The following RYR1 variants were observed in gnomAD, a reference collection of about 807,000 sequenced individuals.
RYR1 encodes central core disease of muscle.
Under a neutral mutation model 583.5 loss-of-function variants are expected in RYR1, and 342 were observed. The ratio of observed to expected loss-of-function variants is 0.59; its 90% confidence interval spans 0.54 to 0.64. The LOEUF (loss-of-function observed/expected upper bound fraction) is 0.64. Ranked by LOEUF, RYR1 falls within the 30% of genes least tolerant of loss-of-function variation. The probability of loss-of-function intolerance (pLI) is 0.00; values close to 1 mark genes in which losing one functional copy is unlikely to be tolerated. For synonymous variants in RYR1, 2,791 were observed against 2,822.5 expected (o/e 0.99, Z 0.35); for missense variants, 6,032 against 6,917.2 (o/e 0.87, Z 4.54).
At chr19:38,498,766 G>T (rs368310886) in intron 42 of RYR1, among the ~76,000 whole-genome samples, 22 of 152,280 alleles carry the variant, frequency 1.4e-4, no homozygotes, top group South Asian at 8.3e-4. Context: ...GGTCACTCTC[G>T]TTGCCATCTT....
rs1423316066 is a variant in RYR1, at chr19:38,565,168, C to T, written c.12834C>T (p.Gly4278=). 2.2e-6 allele frequency: 3 copies of T among 1,389,146 alleles called. No individual in the cohort carries two copies. The highest frequency in any genetic ancestry group is 1.5e-5 in the African/African-American group (1 of 65,830). The allele number at this position is 1,389,146 out of a possible 1,614,324, so 86.1% of individuals were successfully genotyped here. Residue 4278 remains glycine (G), a synonymous_variant, in exon 91 of 106, where the codon GGC becomes GGT. Transcript: ENST00000359596. The surrounding 1 kb of genome is among the most constrained non-coding windows in gnomAD (Gnocchi z 4.7). ...AEAGAEGAEE[G]AAGLEGTAAT... is the part of the protein sequence containing the mutation. ...CGGGCGCGGAAGGCGCGGAGGAGGG[C>T]GCGGCGGGGCTCGAGGGCACGGCGG... is the stretch of plus-strand genomic sequence containing the variant.
rs1392565021 is a variant in RYR1, at chr19:38,485,882, G to A, written c.5227G>A (p.Ala1743Thr). Residue 1743 changes from alanine to threonine, a missense_variant, in exon 34 of 106, where the codon GCC (alanine) becomes ACC (threonine). By Grantham distance (58) the Ala-to-Thr change is moderately conservative. Coordinates refer to ENST00000359596, the MANE Select transcript of RYR1 (RefSeq NM_000540.3). ...CGTGCCCCTCACGCCTGAGACCCGC[G>A]CCATCACGCTCTTCCCTCCTGGAAG... is the stretch of plus-strand genomic sequence containing the variant. ...YIVPLTPETRAITLFPPGRST... is the reference protein window; with the variant it reads ...YIVPLTPETRTITLFPPGRST... The A allele has an allele frequency of 3.1e-6, 5 of 1,613,512 alleles. No homozygotes were observed. The Admixed American group carries it at 5.0e-5, about 16-fold the overall frequency.
rs116890479 is a variant in RYR1, at chr19:38,441,517, C to T, written c.165+653C>T. On this transcript the variant is annotated intron_variant, in intron 2 of 105. Transcript: ENST00000359596. ...GGAAGGTGATCCCCAAGTCCGAGCT[C>T]GGGAATTCTGAGGGTGGGGGCAGCT... Among the ~76,000 whole-genome samples the T allele has an allele frequency of 5.6e-3, 749 of 133,912 alleles. 14 individuals carry two copies. The East Asian group carries it at 0.06, about 11-fold the overall frequency. The allele number at this position is 133,912 out of a possible 152,430, so 87.9% of individuals were successfully genotyped here. A position where few individuals can be genotyped will look rare whatever the true frequency, so the allele number is the denominator to read the frequency against.
chr19:38,549,698 CTTTTTTTTTTTTT>C (rs71165559), intron 89 of RYR1, among the ~76,000 whole-genome samples: 4 of 52,410 alleles, frequency 7.6e-5, no homozygotes, highest in East Asian at 6.1e-4. Context: ...CTTTCCTTTC[CTTTTTTTTTTTTT>C]TTTTTTTTTT....
In RYR1 at chr19:38,585,963, G is replaced by A; in HGVS notation, c.14829G>A (p.Glu4943=). The change falls in exon 103 of 106, where the codon GAG becomes GAA. Residue 4943 remains glutamate (E), a synonymous_variant. Coordinates refer to ENST00000359596, the MANE Select transcript of RYR1 (RefSeq NM_000540.3). ...IQGLIIDAFG[E]LRDQQEQVKE... is the part of the protein sequence containing the mutation. The stretch of plus-strand genomic sequence containing the variant: ...GTCTGATCATCGACGCTTTTGGTGA[G>A]CTCCGAGACCAACAAGAGCAAGTGA... The A allele has an allele frequency of 6.2e-7, 1 of 1,614,004 alleles. No individual in the cohort carries two copies. Among genetic ancestry groups the A allele is most frequent in the Non-Finnish European group, 8.5e-7 (1 of 1,180,000 alleles).
intron 63 of RYR1, among the ~76,000 whole-genome samples, chr19:38,513,918 C>T (rs1016882913): frequency 7.9e-5 from 12 of 152,050 alleles, no homozygotes; most frequent in African/African-American, 2.4e-4. Context: ...TGTGTAACCA[C>T]GGTATCATTA....
chr19:38,502,774 CA>C, intron 48 of RYR1, 47 bp downstream of exon 48: 1 of 733,718 alleles, frequency 1.4e-6, no homozygotes, highest in Non-Finnish European at 2.0e-6. Flanking sequence ...GGGGCAGGGG[CA>C]GGGGCAGGGG....
At chr19:38,517,166 G>A (rs868117701) in intron 65 of RYR1, among the ~76,000 whole-genome samples, 193 bp from the exon 66 acceptor site, 1 of 151,974 alleles carries the variant, frequency 6.6e-6, no homozygotes, top group Non-Finnish European at 1.5e-5. Context: ...AAGTGTTTGC[G>A]GGGCCACTGA....
intron 22 of RYR1, among the ~76,000 whole-genome samples, chr19:38,464,270 C>A (rs527957822): frequency 2.0e-5 from 2 of 98,006 alleles, no homozygotes; most frequent in African/African-American, 8.5e-5. Context: ...GAGCGAGACA[C>A]CGTTTCAGAA....
rs1750384914 is a variant in RYR1 at position 38,458,281 on chromosome 19, A to G, written c.2156A>G (p.His719Arg). The G allele has an allele frequency of 6.2e-7, 1 of 1,613,868 alleles. No individual in the cohort carries two copies. The highest frequency in any genetic ancestry group is 8.5e-7 in the Non-Finnish European group (1 of 1,179,996). The change falls in exon 18 of 106, where the codon CAT becomes CGT. Residue 719 changes from histidine to arginine, a missense_variant. By Grantham distance (29) the His-to-Arg change is conservative. Transcript: ENST00000359596. ...DLYSYGFDGL[H>R]LWTGHVARPV... ...TATTCCTACGGCTTTGATGGACTGCATCTCTGGACAGGTACCTGACCCCTT... is the reference window on the plus strand; with the variant it reads ...TATTCCTACGGCTTTGATGGACTGCGTCTCTGGACAGGTACCTGACCCCTT...
At position 38,505,295 on chromosome 19, in the gene RYR1, C is replaced by A. The variant is rs1970392838; in HGVS notation, c.8311-14C>A. 6.3e-7 allele frequency: 1 copy of A among 1,588,704 alleles called. No individual in the cohort carries two copies. The highest frequency in any genetic ancestry group is 1.1e-5 in the South Asian group (1 of 89,784). ...TGCTGCCTCCCCCTCACCCTGCCTC[C>A]CCTCCATCTCTAGATCCAGAACAAC... On this transcript the variant is annotated splice_polypyrimidine_tract_variant and intron_variant, in intron 52 of 105. Coordinates refer to ENST00000359596, the MANE Select transcript of RYR1 (RefSeq NM_000540.3).
chr19:38,459,774 C>G lies in RYR1; in HGVS notation c.2360+436C>G, dbSNP rs372113353. Among the ~76,000 whole-genome samples the G allele has an allele frequency of 6.1e-4, 93 of 152,128 alleles. 1 individual carries two copies. In the South Asian group the frequency reaches 0.012, roughly 19 times the overall value. ...TAATGACTCCAGACCCTCCTTAACC[C>G]CCTAATGACTTCAGACTCTTCCAAT... On this transcript the variant is annotated intron_variant, in intron 19 of 105. Transcript: ENST00000359596.
rs1029297170 is a variant in RYR1, at chr19:38,444,968, G to T, written c.631+291G>T. Among the ~76,000 whole-genome samples, 1 of 151,952 alleles carries T rather than the reference G, an allele frequency of 6.6e-6. No homozygotes were observed. Among genetic ancestry groups the T allele is most frequent in the Non-Finnish European group, 1.5e-5 (1 of 67,986 alleles). On this transcript the variant is annotated intron_variant, in intron 7 of 105. Coordinates refer to ENST00000359596, the MANE Select transcript of RYR1 (RefSeq NM_000540.3). This position sits in a 1 kb window ranked among gnomAD's most constrained non-coding sequence, Gnocchi z 5.1. ...TCTTAAAACATCAAGTTTAAAGCTT[G>T]TTTAAAGGCCGGGCATGGTGGCTCA... is the stretch of plus-strand genomic sequence containing the variant.
In RYR1 at chr19:38,463,446, G is replaced by A. The variant is rs762533729; in HGVS notation, c.2601G>A (p.Glu867=). The change falls in exon 21 of 106, where the codon GAG becomes GAA. Residue 867 remains glutamate (E), a synonymous_variant. Transcript: ENST00000359596. ...TVQIVLPPHL[E]RIREKLAENI... is the part of the protein sequence containing the mutation. ...AGATTGTCCTGCCGCCCCATCTGGAGCGCATTCGGGAGAAGCTGGCGGAGA... is the reference window on the plus strand; with the variant it reads ...AGATTGTCCTGCCGCCCCATCTGGAACGCATTCGGGAGAAGCTGGCGGAGA... 1.2e-5 allele frequency: 19 copies of A among 1,613,938 alleles called. No homozygotes were observed. The African/African-American group carries it at 2.4e-4, about 20-fold the overall frequency.
chr19:38,538,069 A>G, intron 84 of RYR1, 109 bp downstream of exon 84: 2 of 988,144 alleles, frequency 2.0e-6, no homozygotes, highest in South Asian at 1.3e-5. Context: ...AATGATGGCC[A>G]CTCTCCAGCC....
chr19:38,565,833 G>T lies in RYR1; in HGVS notation c.13437+62G>T, dbSNP rs1391677188. The T allele has an allele frequency of 7.4e-7, 1 of 1,352,438 alleles. No homozygotes were observed. The highest frequency in any genetic ancestry group is 9.4e-7 in the Non-Finnish European group (1 of 1,058,306). The allele number at this position is 1,352,438 out of a possible 1,614,324, so 83.8% of individuals were successfully genotyped here. On this transcript the variant is annotated intron_variant, in intron 91 of 105. Coordinates refer to ENST00000359596, the MANE Select transcript of RYR1 (RefSeq NM_000540.3). The surrounding 1 kb of genome is among the most constrained non-coding windows in gnomAD (Gnocchi z 4.7). ...ATGGGGGATTGGAGGGAGGAAGAGA[G>T]CCCGGCTGGGTGGAGACACACACAG...
At chr19:38,504,649 A>G in intron 50 of RYR1, 99 bp from the exon 51 acceptor site, 1 of 1,505,952 alleles carries the variant, frequency 6.6e-7, no homozygotes, top group South Asian at 1.2e-5. Flanking sequence ...TTTGGGGTTC[A>G]GGGAGGAGGG....
intron 89 of RYR1, among the ~76,000 whole-genome samples, chr19:38,554,749 A>C (rs1972810626): frequency 6.6e-6 from 1 of 152,164 alleles, no homozygotes; most frequent in Non-Finnish European, 1.5e-5. Flanking sequence ...CTGGGATTAC[A>C]GGAATGAGTC....
chr19:38,498,967 A>C, intron 42 of RYR1, 141 bp from the exon 43 acceptor site: 1 of 1,084,352 alleles, frequency 9.2e-7, no homozygotes, highest in East Asian at 2.6e-5. Context: ...GGCCTCTGAC[A>C]GGACCAGGGC....
Sources: gnomAD v4.1 joint callset for allele counts (sites outside exome capture counted in the v4.1 genomes callset) on GRCh38, gnomAD v4.1.1 for gene constraint, Gnocchi (gnomAD v3.1) non-coding constraint, MANE v1.5 for transcripts, NCBI Gene and HGNC (gene_info 2026-07-23, HGNC 2026-07-21) for gene names.